The following ALG9 variants were observed in gnomAD, a reference collection of about 807,000 sequenced individuals.
ALG9 encodes the protein alpha-1,2-mannosyltransferase ALG9.
ALG9 carries 55 observed loss-of-function variants against 81.8 expected under a neutral mutation model. The observed-to-expected ratio is 0.67, with a 90% CI of 0.54 to 0.84. The LOEUF is 0.84. ALG9 is among the 40% of genes least tolerant of loss of function. The pLI, the probability that ALG9 is intolerant of heterozygous loss-of-function variation, is 0.00. For missense variants in ALG9, 629 were observed against 745.0 expected (o/e 0.84, Z 1.81); for synonymous variants, 278 against 274.3 (o/e 1.01, Z -0.13).
intron 14 of ALG9, among the ~76,000 whole-genome samples, chr11:111,792,839 G>A (rs868953681): frequency 5.3e-5 from 8 of 152,324 alleles, no homozygotes; most frequent in African/African-American, 1.9e-4. Flanking sequence ...TTCTCCTGCA[G>A]ATTCTGGCTG....
At chr11:111,829,317 G>A (rs1447622519) in intron 13 of ALG9, 2 of 152,074 alleles carry the variant, frequency 1.3e-5, no homozygotes, top group Non-Finnish European at 2.9e-5. Flanking sequence ...TTAGTCACAG[G>A]CTACATATCA....
chr11:111,870,966 G>A, intron 1 of ALG9: 2 of 1,017,366 alleles, frequency 2.0e-6, no homozygotes, highest in Non-Finnish European at 2.3e-6. Flanking sequence ...TTTGGGAAGA[G>A]GTGATGGCGG....
chr11:111,829,064 C>T (rs572902946), intron 13 of ALG9: 2 of 152,240 alleles, frequency 1.3e-5, no homozygotes, highest in East Asian at 1.9e-4. Flanking sequence ...TGAATTACAA[C>T]CAGAGAGAAT....
At chr11:111,773,643 C>A in the ALG9 span, among the ~76,000 whole-genome samples, 1 of 152,058 alleles carries the variant, frequency 6.6e-6, no homozygotes, top group Non-Finnish European at 1.5e-5. Context: ...AGGCCAGAAC[C>A]CCCATTATCT....
At chr11:111,768,842 C>CGTGTGTAT in the ALG9 span, 3 of 143,202 alleles carry the variant, frequency 2.1e-5, no homozygotes, top group Middle Eastern at 7.0e-3. Flanking sequence ...TGTGTGTGTG[C>CGTGTGTAT]GTGTGTGTGT....
chr11:111,831,538 A>C (rs964540572), intron 13 of ALG9, among the ~76,000 whole-genome samples: 11 of 152,218 alleles, frequency 7.2e-5, no homozygotes. Context: ...AGCAATGCTC[A>C]GCTACTTAAT....
chr11:111,859,634 A>T (rs1240708399), intron 5 of ALG9, among the ~76,000 whole-genome samples: 2 of 152,202 alleles, frequency 1.3e-5, no homozygotes, highest in Non-Finnish European at 2.9e-5. Flanking sequence ...TTCCAGCTGC[A>T]GTGTAGAGGA....
chr11:111,811,413 C>G (rs1950689753), intron 13 of ALG9, among the ~76,000 whole-genome samples: 1 of 151,916 alleles, frequency 6.6e-6, no homozygotes, highest in South Asian at 2.1e-4. Context: ...TGTGGTGGTA[C>G]AGGCCTGTAA....
At chr11:111,835,614 AG>A (rs1284339464) in intron 13 of ALG9, among the ~76,000 whole-genome samples, 1 of 152,262 alleles carries the variant, frequency 6.6e-6, no homozygotes, top group Non-Finnish European at 1.5e-5. Flanking sequence ...TTCTACCGTA[AG>A]AAAACTTTCA....
chr11:111,868,860 C>A, intron 2 of ALG9, 124 bp from the exon 3 acceptor site: 1 of 1,004,328 alleles, frequency 1.0e-6, no homozygotes, highest in Non-Finnish European at 1.4e-6. Context: ...ATGCCTCACA[C>A]CTATAATCCC....
At chr11:111,808,074 A>T (rs1030378213) in intron 14 of ALG9, among the ~76,000 whole-genome samples, 3 of 152,246 alleles carry the variant, frequency 2.0e-5, no homozygotes, top group African/African-American at 4.8e-5. Context: ...CTCAAAAAAA[A>T]TTTTTGTTGC....
the ALG9 span, chr11:111,768,848 T>TGTGTGTGC: frequency 1.3e-5 from 2 of 151,270 alleles, no homozygotes; most frequent in Non-Finnish European, 2.9e-5. Context: ...TGTGCGTGTG[T>TGTGTGTGC]GTGTGTGTGT....
intron 13 of ALG9, among the ~76,000 whole-genome samples, chr11:111,822,972 C>A (rs143604439): frequency 1.3e-5 from 2 of 151,946 alleles, no homozygotes; most frequent in African/African-American, 4.8e-5. Context: ...TGCAGTGAGC[C>A]GAGATCACAC....
At chr11:111,853,791 C>A in intron 6 of ALG9, 55 bp from the exon 7 acceptor site, 1 of 1,399,020 alleles carries the variant, frequency 7.1e-7, no homozygotes, top group South Asian at 1.2e-5. Flanking sequence ...AGAGACAAAT[C>A]AGATTCACAC....
chr11:111,835,055 A>C (rs1278070354), intron 13 of ALG9, among the ~76,000 whole-genome samples: 3 of 152,136 alleles, frequency 2.0e-5, no homozygotes, highest in Non-Finnish European at 2.9e-5. Flanking sequence ...AACCAGCCCC[A>C]ATCTGGGAGA....
At chr11:111,840,357 A>G (rs1304277772) in intron 10 of ALG9, among the ~76,000 whole-genome samples, 1 of 152,204 alleles carries the variant, frequency 6.6e-6, no homozygotes, top group Non-Finnish European at 1.5e-5. Flanking sequence ...TAGCAGTTCA[A>G]AGAGCAGACA....
At chr11:111,871,319 G>A (rs1485529959) in intron 1 of ALG9, 33 bp downstream of exon 1, 17 of 1,389,556 alleles carry the variant, frequency 1.2e-5, no homozygotes, top group Non-Finnish European at 1.5e-5. Flanking sequence ...CGCCCCGCCG[G>A]CCGGCCACGC....
At chr11:111,844,288 G>A (rs1224881729) in intron 9 of ALG9, among the ~76,000 whole-genome samples, 1 of 152,138 alleles carries the variant, frequency 6.6e-6, no homozygotes, top group African/African-American at 2.4e-5. Context: ...ACAGATGTCA[G>A]CCACCGCGCC....
intron 13 of ALG9, among the ~76,000 whole-genome samples, chr11:111,825,281 T>A (rs1312380936): frequency 6.6e-6 from 1 of 152,222 alleles, no homozygotes; most frequent in African/African-American, 2.4e-5. Context: ...ATAATCCCTA[T>A]GCCAGGCATT....
Sources: gnomAD v4.1 joint callset for allele counts (sites outside exome capture counted in the v4.1 genomes callset) on GRCh38, gnomAD v4.1.1 for gene constraint, MANE v1.5 for transcripts, NCBI Gene and HGNC (gene_info 2026-07-23, HGNC 2026-07-21) for gene names.